PIK3C3: variants seen among roughly 807,000 people sequenced by gnomAD.
The protein encoded by PIK3C3 is PI3-kinase type 3.
In PIK3C3, 95 loss-of-function variants were observed where a neutral mutation model predicts 126.1. That is an observed-to-expected ratio of 0.75 (90% CI 0.64 to 0.89). PIK3C3 has a LOEUF of 0.89. Among genes scored for constraint, PIK3C3 ranks in the 40% least tolerant of loss-of-function variants. PIK3C3 has a pLI of 0.00. For synonymous variants in PIK3C3, 374 were observed against 360.0 expected (o/e 1.04, Z -0.44); for missense variants, 829 against 1,063.2 (o/e 0.78, Z 3.06).
intron 4 of PIK3C3, among the ~76,000 whole-genome samples, chr18:41,980,188 A>G (rs894588553): frequency 6.6e-6 from 1 of 152,124 alleles, no homozygotes; most frequent in Non-Finnish European, 1.5e-5. Context: ...AATTGATTAT[A>G]TATGTTAGCA....
chr18:42,076,807 G>A (rs1466653247), intron 24 of PIK3C3, among the ~76,000 whole-genome samples: 1 of 152,014 alleles, frequency 6.6e-6, no homozygotes, highest in Non-Finnish European at 1.5e-5. Flanking sequence ...TCCTTGATAG[G>A]GTTTGCCATG....
chr18:41,980,559 A>G (rs1287100774), intron 4 of PIK3C3, among the ~76,000 whole-genome samples: 1 of 152,118 alleles, frequency 6.6e-6, no homozygotes, highest in African/African-American at 2.4e-5. Context: ...CCCACAATAT[A>G]AAACAATTCA....
intron 24 of PIK3C3, among the ~76,000 whole-genome samples, chr18:42,080,625 T>C (rs761038129): frequency 6.6e-6 from 1 of 152,194 alleles, no homozygotes; most frequent in Non-Finnish European, 1.5e-5. Flanking sequence ...ATTAATAGTG[T>C]TGGCCCCAAA....
In PIK3C3 at chr18:42,082,060, TGTCTTTTAAGACTAGAACTAATCCCTCTA is replaced by T. The variant is rs1986270273; in HGVS notation, c.*925_*953del. 1 of 152,238 alleles carries T rather than the reference TGTCTTTTAAGACTAGAACTAATCCCTCTA, an allele frequency of 6.6e-6. No individual in the cohort carries two copies. The highest frequency in any genetic ancestry group is 1.5e-5 in the Non-Finnish European group (1 of 68,034). 9.4% of individuals were successfully genotyped at this position (152,238 alleles called of 1,614,324 possible). On this transcript the variant is annotated 3_prime_UTR_variant, in exon 25 of 25. Transcript: ENST00000262039. ...TTTCTGAATTAAGCAAAATTTTTTT[TGTCTTTTAAGACTAGAACTAATCCCTCTA>T]GCTTTTTTACTGGAACTTTGGGGAA...
rs552352812 is a variant in PIK3C3 at position 41,990,981 on chromosome 18, G to T, written c.714+427G>T. Among the ~76,000 whole-genome samples the T allele has an allele frequency of 6.6e-5, 10 of 152,238 alleles. No homozygotes were observed. In the South Asian group the frequency reaches 1.9e-3, roughly 28 times the overall value. ...GTAATGTCTATATGTGGCCCTCACT[G>T]AAGTATACTTATGAAATACTTCAGA... On this transcript the variant is annotated intron_variant, in intron 6 of 24. Coordinates refer to ENST00000262039, the MANE Select transcript of PIK3C3 (RefSeq NM_002647.4).
At chr18:42,007,020 C>G (rs528096093) in intron 10 of PIK3C3, among the ~76,000 whole-genome samples, 1 of 151,916 alleles carries the variant, frequency 6.6e-6, no homozygotes, top group Non-Finnish European at 1.5e-5. Context: ...CCCGCCACCA[C>G]CCCTGGATAC....
chr18:41,965,280 G>A (rs984195052), intron 3 of PIK3C3, among the ~76,000 whole-genome samples: 4 of 152,128 alleles, frequency 2.6e-5, no homozygotes, highest in African/African-American at 9.7e-5. Flanking sequence ...AAACACCTGC[G>A]TTAGTACTCA....
At chr18:41,990,108 A>G (rs1194165628) in intron 5 of PIK3C3, among the ~76,000 whole-genome samples, 1 of 152,178 alleles carries the variant, frequency 6.6e-6, no homozygotes, top group Admixed American at 6.6e-5. Context: ...AATTGTTAGA[A>G]GGAAAAACCA....
At chr18:42,020,486 T>C (rs913033613) in intron 12 of PIK3C3, 152 bp from the exon 13 acceptor site, 2 of 521,422 alleles carry the variant, frequency 3.8e-6, no homozygotes. Flanking sequence ...AAATATGTTT[T>C]ATGTATGTAT....
chr18:41,959,804 A>G (rs887400354), intron 2 of PIK3C3, among the ~76,000 whole-genome samples: 1 of 152,186 alleles, frequency 6.6e-6, no homozygotes, highest in Admixed American at 6.6e-5. Flanking sequence ...AAAAAAAAAG[A>G]ATAGTCTTTA....
rs1161516556 is a variant in PIK3C3 at position 42,085,409 on chromosome 18, TG to T, written c.*4273del. ...GTCTAGAAAAAAATTTAGGAAAAAT[TG>T]CCATGAAATCATGAGCTAAGTCAAT... On this transcript the variant is annotated 3_prime_UTR_variant, in exon 25 of 25. Coordinates refer to ENST00000262039, the MANE Select transcript of PIK3C3 (RefSeq NM_002647.4). The T allele has an allele frequency of 6.6e-6, 1 of 152,216 alleles. No individual in the cohort carries two copies. The allele number at this position is 152,216 out of a possible 1,614,324, so 9.4% of individuals were successfully genotyped here. A position where few individuals can be genotyped will look rare whatever the true frequency, so the allele number is the denominator to read the frequency against.
chr18:42,010,219 CT>C (rs1429497165), intron 10 of PIK3C3, among the ~76,000 whole-genome samples: 2 of 152,210 alleles, frequency 1.3e-5, no homozygotes, highest in African/African-American at 4.8e-5. Flanking sequence ...AGAAACTACT[CT>C]TTGCTGCTCA....
intron 16 of PIK3C3, among the ~76,000 whole-genome samples, 156 bp from the exon 17 acceptor site, chr18:42,037,536 A>G (rs1479972296): frequency 1.3e-5 from 2 of 152,198 alleles, no homozygotes; most frequent in African/African-American, 4.8e-5. Flanking sequence ...TGTTCTTTCC[A>G]GTATACCCTA....
In PIK3C3 at chr18:42,057,827, C is replaced by G. The variant is rs1460834473; in HGVS notation, c.2264-56C>G. The G allele has an allele frequency of 2.8e-5, 41 of 1,480,208 alleles. No homozygotes were observed. In the East Asian group the frequency reaches 8.9e-4, roughly 32 times the overall value. 91.7% of individuals were successfully genotyped at this position (1,480,208 alleles called of 1,614,324 possible). A position where few individuals can be genotyped will look rare whatever the true frequency, so the allele number is the denominator to read the frequency against. ...TTATATCAATTGTGTGACATATCAC[C>G]TACCCAGTTCTTTAAGATAATTCTG... On this transcript the variant is annotated intron_variant, in intron 21 of 24. Coordinates refer to ENST00000262039, the MANE Select transcript of PIK3C3 (RefSeq NM_002647.4).
intron 4 of PIK3C3, among the ~76,000 whole-genome samples, chr18:41,982,337 A>C (rs964875028): frequency 6.6e-6 from 1 of 152,180 alleles, no homozygotes; most frequent in Non-Finnish European, 1.5e-5. Flanking sequence ...AAAAATGGTA[A>C]CATCTTCTAA....
rs150352981 is a variant in PIK3C3 at position 41,984,363 on chromosome 18, G to A, written c.532-3449G>A. 4.7e-4 allele frequency among the ~76,000 whole-genome samples: 72 copies of A among 152,190 alleles called. 1 individual carries two copies. The highest frequency in any genetic ancestry group is 1.6e-3 in the African/African-American group (68 of 41,552). The stretch of plus-strand genomic sequence containing the variant: ...CTCAAGTATATCTACATTGTTATCA[G>A]CACCCATAAGAGATGAAGTGACATA... On this transcript the variant is annotated intron_variant, in intron 4 of 24. Coordinates refer to ENST00000262039, the MANE Select transcript of PIK3C3 (RefSeq NM_002647.4).
At chr18:42,054,152 A>C (rs1386407169) in intron 21 of PIK3C3, among the ~76,000 whole-genome samples, 3,711 of 29,758 alleles carry the variant, frequency 0.12, 360 homozygotes, top group South Asian at 0.16. Context: ...ATATATATAT[A>C]TATATATATA....
chr18:41,993,461 A>T (rs1301005906), intron 7 of PIK3C3, 120 bp downstream of exon 7: 9 of 630,562 alleles, frequency 1.4e-5, no homozygotes, highest in Non-Finnish European at 2.3e-5. Context: ...CCTAAAAGTG[A>T]TTCATAAATT....
chr18:42,010,358 C>T (rs1343855670), intron 10 of PIK3C3, among the ~76,000 whole-genome samples: 1 of 152,066 alleles, frequency 6.6e-6, no homozygotes, highest in East Asian at 1.9e-4. Flanking sequence ...TTTACTTCCT[C>T]CACTGAAGTC....
Sources: gnomAD v4.1 joint callset for allele counts (sites outside exome capture counted in the v4.1 genomes callset) on GRCh38, gnomAD v4.1.1 for gene constraint, MANE v1.5 for transcripts, NCBI Gene and HGNC (gene_info 2026-07-23, HGNC 2026-07-21) for gene names.